ST3GAL3: variants seen among roughly 807,000 people sequenced by gnomAD.
ST3GAL3 encodes CMP-N-acetylneuraminate-beta-1,4-galactoside alpha-2,3-sialyltransferase.
Under a neutral mutation model 50.1 loss-of-function variants are expected in ST3GAL3, and 21 were observed. The ratio of observed to expected loss-of-function variants is 0.42; its 90% confidence interval spans 0.30 to 0.60. The LOEUF is 0.60. ST3GAL3 is among the 20% of genes least tolerant of loss of function. ST3GAL3 has a pLI of 0.19. For missense variants in ST3GAL3, 353 were observed against 489.4 expected (o/e 0.72, Z 2.63); for synonymous variants, 183 against 190.0 (o/e 0.96, Z 0.30).
chr1:43,865,086 G>A lies in ST3GAL3; in HGVS notation c.302+26775G>A, dbSNP rs570177325. On this transcript the variant is annotated intron_variant, in intron 5 of 11. Coordinates refer to ENST00000347631, the MANE Select transcript of ST3GAL3 (RefSeq NM_006279.5). ...GGCTGGAGTGCAGTGGCGCGATCTC[G>A]GCTCACTGCAAGCTCCGCCTCCCGG... Among the ~76,000 whole-genome samples the A allele has an allele frequency of 9.3e-5, 14 of 150,410 alleles. No homozygotes were observed. In the South Asian group the frequency reaches 1.5e-3, roughly 16 times the overall value.
At chr1:43,813,883 ACACACACACACG>A (rs1445832584) in intron 3 of ST3GAL3, among the ~76,000 whole-genome samples, 5 of 60,454 alleles carry the variant, frequency 8.3e-5, no homozygotes, top group South Asian at 1.3e-3. Context: ...ACACACACAC[ACACACACACACG>A]CACACACGCA....
At chr1:43,780,463 G>A (rs1558267401) in intron 2 of ST3GAL3, among the ~76,000 whole-genome samples, 1 of 152,050 alleles carries the variant, frequency 6.6e-6, no homozygotes, top group Non-Finnish European at 1.5e-5. Flanking sequence ...TTAGTTCTGG[G>A]ACAACTTTAT....
chr1:43,899,678 A>C lies in ST3GAL3; in HGVS notation c.695A>C (p.Lys232Thr), dbSNP rs200248571. The C allele has an allele frequency of 6.2e-7, 1 of 1,614,166 alleles. No individual in the cohort carries two copies. The highest frequency in any genetic ancestry group is 8.5e-7 in the Non-Finnish European group (1 of 1,180,046). Residue 232 changes from lysine to threonine, a missense_variant, in exon 9 of 12, where the codon AAG becomes ACG. By Grantham distance (78) the Lys-to-Thr change is moderately conservative (BLOSUM62 -1). Transcript: ENST00000347631. The surrounding 1 kb of genome is among the most constrained non-coding windows in gnomAD (Gnocchi z 5.4). The part of the protein sequence containing the change: ...RDSLFVLAGF[K>T]WQDFKWLKYI... ...TCTCTCTTTGTCCTCGCCGGCTTCA[A>C]GTGGCAGGACTTTAAGTGGTTGAAA...
intron 4 of ST3GAL3, among the ~76,000 whole-genome samples, chr1:43,831,284 G>C (rs1339607466): frequency 1.3e-5 from 2 of 152,242 alleles, no homozygotes; most frequent in African/African-American, 4.8e-5. Flanking sequence ...GAGTAGGACT[G>C]CTCCAAAGGT....
intron 2 of ST3GAL3, among the ~76,000 whole-genome samples, chr1:43,741,122 T>C (rs1680752662): frequency 6.6e-6 from 1 of 150,876 alleles, no homozygotes. Flanking sequence ...AGCCCAGGAG[T>C]TCAAGACCAG....
intron 5 of ST3GAL3, among the ~76,000 whole-genome samples, chr1:43,884,675 C>T (rs1172220790): frequency 6.6e-6 from 1 of 152,206 alleles, no homozygotes; most frequent in East Asian, 1.9e-4. Context: ...TTGAATATAA[C>T]GGACTGATGT....
chr1:43,725,437 G>T (rs148766617), intron 1 of ST3GAL3, among the ~76,000 whole-genome samples: 2,007 of 152,138 alleles, frequency 0.013, 52 homozygotes, highest in African/African-American at 0.047. Context: ...GACCTCAGGT[G>T]ATCCACCCAC....
intron 6 of ST3GAL3, among the ~76,000 whole-genome samples, chr1:43,898,002 A>G (rs1453793477): frequency 6.6e-6 from 1 of 152,132 alleles, no homozygotes; most frequent in Non-Finnish European, 1.5e-5. Context: ...GCTGCGTGCC[A>G]GTGTTAGGGA....
chr1:43,746,246 A>G (rs985223310), intron 2 of ST3GAL3, among the ~76,000 whole-genome samples: 15 of 152,222 alleles, frequency 9.9e-5, no homozygotes, highest in African/African-American at 3.6e-4. Flanking sequence ...CAAATACTGT[A>G]AGATTCCTCT....
intron 1 of ST3GAL3, among the ~76,000 whole-genome samples, chr1:43,734,590 G>A (rs991866712): frequency 1.3e-5 from 2 of 152,074 alleles, no homozygotes; most frequent in Non-Finnish European, 2.9e-5. Context: ...GATTATAGGC[G>A]TGAGCCACTG....
intron 2 of ST3GAL3, among the ~76,000 whole-genome samples, chr1:43,754,008 G>A (rs999973931): frequency 2.0e-5 from 3 of 152,128 alleles, no homozygotes; most frequent in Admixed American, 1.3e-4. Context: ...AAATCTGTAC[G>A]TATATGCACC....
At chr1:43,771,182 T>C (rs1420416888) in intron 2 of ST3GAL3, among the ~76,000 whole-genome samples, 1 of 152,234 alleles carries the variant, frequency 6.6e-6, no homozygotes, top group East Asian at 1.9e-4. Context: ...ATAAACATGC[T>C]TATTGACATG....
intron 2 of ST3GAL3, among the ~76,000 whole-genome samples, chr1:43,750,161 C>G (rs1005282373): frequency 6.6e-6 from 1 of 152,298 alleles, no homozygotes; most frequent in African/African-American, 2.4e-5. Context: ...ACTTCACACC[C>G]ATTAGAATTG....
intron 2 of ST3GAL3, among the ~76,000 whole-genome samples, chr1:43,769,567 T>C (rs758033825): frequency 7.9e-5 from 12 of 152,048 alleles, no homozygotes; most frequent in Non-Finnish European, 1.6e-4. Context: ...ATATAATATC[T>C]GGTAATAGGG....
intron 1 of ST3GAL3, among the ~76,000 whole-genome samples, chr1:43,719,934 GAAAAAAA>G (rs148364295): frequency 2.6e-4 from 11 of 41,730 alleles, no homozygotes; most frequent in African/African-American, 8.4e-4. Context: ...CTCTGTCTCA[GAAAAAAA>G]AAAAAAAAAA....
At chr1:43,792,049 G>C (rs1269760462) in intron 2 of ST3GAL3, 53 bp from the exon 3 acceptor site, 1 of 1,611,330 alleles carries the variant, frequency 6.2e-7, no homozygotes, top group East Asian at 2.2e-5. Context: ...GTGGGAGCTT[G>C]CTTTTTTATT....
At position 43,734,095 on chromosome 1, in the gene ST3GAL3, A is replaced by G. The variant is rs1677124917; in HGVS notation, c.-30-2138A>G. Among the ~76,000 whole-genome samples, 2 of 150,618 alleles carry G rather than the reference A, an allele frequency of 1.3e-5. 1 individual carries two copies. The highest frequency in any genetic ancestry group is 5.0e-5 in the African/African-American group (2 of 40,190). On this transcript the variant is annotated intron_variant, in intron 1 of 11. Transcript: ENST00000347631. ...CATTGCACTCCAGCCTGGGCGACAG[A>G]GGGAAACTCCATCTCGGGGGGTAAA...
chr1:43,858,131 C>T (rs1258342823), intron 5 of ST3GAL3: 2 of 1,289,344 alleles, frequency 1.6e-6, no homozygotes, highest in South Asian at 1.2e-5. Context: ...CCTATCTTCC[C>T]CAGAGCTAAG....
At chr1:43,789,138 T>G (rs1169209930) in intron 2 of ST3GAL3, among the ~76,000 whole-genome samples, 2 of 152,168 alleles carry the variant, frequency 1.3e-5, no homozygotes, top group Non-Finnish European at 2.9e-5. Context: ...TCTGAAGGGT[T>G]TTATTAAAGA....
Sources: allele counts gnomAD v4.1 joint callset (sites outside exome capture counted in the v4.1 genomes callset), GRCh38; gene constraint gnomAD v4.1.1; non-coding constraint Gnocchi (gnomAD v3.1); transcripts MANE v1.5; gene names NCBI Gene and HGNC (gene_info 2026-07-23, HGNC 2026-07-21).